RPS6KC1: variants seen among roughly 807,000 people sequenced by gnomAD.
The protein encoded by RPS6KC1 is ribosomal protein S6 kinase C1.
A neutral mutation model predicts 103.8 loss-of-function variants in RPS6KC1; 54 were observed. The observed-to-expected ratio is 0.52, with a 90% CI of 0.42 to 0.65. The LOEUF is 0.65. Among genes scored for constraint, RPS6KC1 ranks in the 30% least tolerant of loss-of-function variants. RPS6KC1 has a pLI of 0.00. For synonymous variants in RPS6KC1, 439 were observed against 438.7 expected (o/e 1.00, Z -0.01); for missense variants, 1,151 against 1,253.8 (o/e 0.92, Z 1.24).
At chr1:213,407,746 C>T in the RPS6KC1 span, among the ~76,000 whole-genome samples, 1 of 152,026 alleles carries the variant, frequency 6.6e-6, no homozygotes, top group Admixed American at 6.5e-5. Flanking sequence ...TTTTGTTGGT[C>T]TATGTGAGTT....
the RPS6KC1 span, among the ~76,000 whole-genome samples, chr1:213,584,177 G>A: frequency 6.6e-6 from 1 of 152,066 alleles, no homozygotes; most frequent in Middle Eastern, 3.4e-3. Context: ...TGTGCTTTTC[G>A]CCTTCTGCCA....
chr1:213,763,921 C>T, the RPS6KC1 span, among the ~76,000 whole-genome samples: 1 of 152,226 alleles, frequency 6.6e-6, no homozygotes, highest in African/African-American at 2.4e-5. Flanking sequence ...ACATTTTGCT[C>T]TCCTTGCTGG....
At chr1:213,441,812 G>T in the RPS6KC1 span, among the ~76,000 whole-genome samples, 1 of 152,310 alleles carries the variant, frequency 6.6e-6, no homozygotes, top group African/African-American at 2.4e-5. Flanking sequence ...CTGTTATAGA[G>T]TATTATACAT....
the RPS6KC1 span, among the ~76,000 whole-genome samples, chr1:213,293,033 G>T: frequency 6.6e-6 from 1 of 152,216 alleles, no homozygotes; most frequent in African/African-American, 2.4e-5. Context: ...GTGTGTATGT[G>T]TGTGTTGTTG....
chr1:213,523,948 G>A, the RPS6KC1 span, among the ~76,000 whole-genome samples: 2 of 152,088 alleles, frequency 1.3e-5, no homozygotes, highest in Non-Finnish European at 2.9e-5. Flanking sequence ...CAGAGGAGAC[G>A]GCTTGTCTAA....
the RPS6KC1 span, among the ~76,000 whole-genome samples, chr1:213,483,361 C>G: frequency 6.6e-6 from 1 of 152,152 alleles, no homozygotes; most frequent in African/African-American, 2.4e-5. Context: ...TAACACAATA[C>G]GGCTGAGTAT....
the RPS6KC1 span, among the ~76,000 whole-genome samples, chr1:213,602,115 TCTTTC>T: frequency 1.9e-3 from 88 of 47,042 alleles, 4 homozygotes; most frequent in African/African-American, 7.4e-3. Flanking sequence ...TTTCTTTCTT[TCTTTC>T]TCTTTCTTTC....
At chr1:213,212,328 TG>T (rs1204415179) in intron 8 of RPS6KC1, among the ~76,000 whole-genome samples, 2 of 152,186 alleles carry the variant, frequency 1.3e-5, no homozygotes, top group East Asian at 3.8e-4. Context: ...GGAATCAGTA[TG>T]GAATCAGTAT....
chr1:213,290,904 C>A, the RPS6KC1 span, among the ~76,000 whole-genome samples: 1 of 152,186 alleles, frequency 6.6e-6, no homozygotes, highest in Admixed American at 6.5e-5. Context: ...ATAAATTAGA[C>A]CTGGGCCCCC....
the RPS6KC1 span, among the ~76,000 whole-genome samples, chr1:213,750,911 A>G: frequency 6.6e-6 from 1 of 152,324 alleles, no homozygotes; most frequent in South Asian, 2.1e-4. Flanking sequence ...TGACAAAACA[A>G]CCTACTGATA....
intron 8 of RPS6KC1, among the ~76,000 whole-genome samples, chr1:213,194,989 A>G (rs957736594): frequency 2.0e-5 from 3 of 152,164 alleles, no homozygotes; most frequent in African/African-American, 7.2e-5. Flanking sequence ...TATGGATGCC[A>G]GTGTTTAGAT....
chr1:213,171,257 T>C (rs1421583788), intron 7 of RPS6KC1, among the ~76,000 whole-genome samples: 1 of 152,024 alleles, frequency 6.6e-6, no homozygotes, highest in Non-Finnish European at 1.5e-5. Flanking sequence ...ACTAAAAGGC[T>C]CCAAGAAAAT....
chr1:213,522,000 G>T, the RPS6KC1 span, among the ~76,000 whole-genome samples: 1 of 152,326 alleles, frequency 6.6e-6, no homozygotes, highest in East Asian at 1.9e-4. Context: ...CTTCTAGAAT[G>T]ATGAATCCTT....
chr1:213,773,113 T>C, the RPS6KC1 span, among the ~76,000 whole-genome samples: 1 of 152,118 alleles, frequency 6.6e-6, no homozygotes, highest in African/African-American at 2.4e-5. Flanking sequence ...GCAGATAATG[T>C]CTTTTATAGG....
the RPS6KC1 span, among the ~76,000 whole-genome samples, chr1:213,578,818 C>A: frequency 1.1e-4 from 16 of 152,178 alleles, no homozygotes; most frequent in Middle Eastern, 3.4e-3. Flanking sequence ...TCAGATGACA[C>A]TTTGGACTGT....
the RPS6KC1 span, among the ~76,000 whole-genome samples, chr1:213,302,843 T>A: frequency 6.6e-6 from 1 of 152,254 alleles, no homozygotes; most frequent in Non-Finnish European, 1.5e-5. Flanking sequence ...CTTATTTTTG[T>A]ATATTTTGTA....
intron 1 of RPS6KC1, among the ~76,000 whole-genome samples, chr1:213,055,795 A>G (rs2077287795): frequency 6.6e-6 from 1 of 152,212 alleles, no homozygotes; most frequent in Non-Finnish European, 1.5e-5. Context: ...ATATCTTAAT[A>G]ATATTGTCTC....
At chr1:213,836,403 G>T in the RPS6KC1 span, among the ~76,000 whole-genome samples, 2 of 152,034 alleles carry the variant, frequency 1.3e-5, no homozygotes, top group African/African-American at 4.8e-5. Context: ...TTGAAGACAT[G>T]CACAACCACA....
the RPS6KC1 span, among the ~76,000 whole-genome samples, chr1:213,439,786 G>C: frequency 1.3e-5 from 2 of 151,994 alleles, no homozygotes; most frequent in Non-Finnish European, 2.9e-5. Flanking sequence ...AGAATTATTT[G>C]TAAGAAGGTG....
Sources: gnomAD v4.1 joint callset for allele counts (sites outside exome capture counted in the v4.1 genomes callset) on GRCh38, gnomAD v4.1.1 for gene constraint, MANE v1.5 for transcripts, NCBI Gene and HGNC (gene_info 2026-07-23, HGNC 2026-07-21) for gene names.